Variants in ADGRL3 observed in about 807,000 individuals in gnomAD.
ADGRL3 encodes the protein calcium-independent alpha-latrotoxin receptor 3.
A neutral mutation model predicts 153.5 loss-of-function variants in ADGRL3; 62 were observed. The observed-to-expected ratio is 0.40, with a 90% CI of 0.33 to 0.50. The LOEUF (loss-of-function observed/expected upper bound fraction) is 0.50. Ranked by LOEUF, ADGRL3 falls within the 20% of genes least tolerant of loss-of-function variation. The pLI, the probability that ADGRL3 is intolerant of heterozygous loss-of-function variation, is 0.47. For synonymous variants in ADGRL3, 710 were observed against 672.5 expected (o/e 1.06, Z -0.86); for missense variants, 1,641 against 1,859.4 (o/e 0.88, Z 2.16).
chr4:61,970,717 G>A (rs2099023921), intron 17 of ADGRL3, among the ~76,000 whole-genome samples: 1 of 152,098 alleles, frequency 6.6e-6, no homozygotes, highest in African/African-American at 2.4e-5. Flanking sequence ...GTTGTTGGTA[G>A]GTTGCTTCAG....
intron 8 of ADGRL3, among the ~76,000 whole-genome samples, chr4:61,790,352 G>T (rs996168700): frequency 2.0e-5 from 3 of 152,074 alleles, no homozygotes; most frequent in African/African-American, 7.2e-5. Context: ...TGTATAGTAG[G>T]CCTGCCCTTA....
At chr4:61,433,273 T>A (rs1445587301) in intron 2 of ADGRL3, among the ~76,000 whole-genome samples, 1 of 152,174 alleles carries the variant, frequency 6.6e-6, no homozygotes, top group African/African-American at 2.4e-5. Context: ...GTAAGATGTT[T>A]TAATATTGTC....
chr4:61,602,158 C>G (rs2099014798), intron 5 of ADGRL3, among the ~76,000 whole-genome samples: 1 of 151,662 alleles, frequency 6.6e-6, no homozygotes, highest in Admixed American at 6.6e-5. Flanking sequence ...CTTTAGAATT[C>G]CAATGTGTAA....
chr4:61,964,212 C>G (rs1436075204), intron 17 of ADGRL3, among the ~76,000 whole-genome samples: 1 of 152,102 alleles, frequency 6.6e-6, no homozygotes, highest in African/African-American at 2.4e-5. Flanking sequence ...TCAAATATGA[C>G]TAACACAATT....
chr4:62,075,814 A>G lies in ADGRL3; in HGVS notation c.*4906A>G, dbSNP rs1023927674. 8 of 152,208 alleles carry G rather than the reference A, an allele frequency of 5.3e-5. No homozygotes were observed. The highest frequency in any genetic ancestry group is 8.8e-5 in the Non-Finnish European group (6 of 68,038). The allele number at this position is 152,208 out of a possible 1,614,324, so 9.4% of individuals were successfully genotyped here. ...TATATTCAATGGATCCCAACATTAA[A>G]TTTAACTTTGCAATCAGCAAATATG... On this transcript the variant is annotated 3_prime_UTR_variant, in exon 27 of 27. Coordinates refer to ENST00000683033, the MANE Select transcript of ADGRL3 (RefSeq NM_001387552.1).
At chr4:61,512,696 T>C (rs866076804) in intron 3 of ADGRL3, among the ~76,000 whole-genome samples, 9 of 152,100 alleles carry the variant, frequency 5.9e-5, no homozygotes, top group Non-Finnish European at 7.4e-5. Context: ...TCATTTTATA[T>C]AGAGATAGAG....
intron 9 of ADGRL3, among the ~76,000 whole-genome samples, chr4:61,856,596 C>G (rs1284538175): frequency 1.8e-5 from 1 of 57,040 alleles, no homozygotes; most frequent in Non-Finnish European, 4.5e-5. Flanking sequence ...TTCTCTCTCT[C>G]TCTCTCTCTT....
chr4:61,229,359 A>T (rs1248032941), intron 1 of ADGRL3, among the ~76,000 whole-genome samples: 1 of 152,222 alleles, frequency 6.6e-6, no homozygotes, highest in Non-Finnish European at 1.5e-5. Context: ...GTAAATAATT[A>T]TTAATAAGTC....
chr4:61,492,092 G>GC (rs1347094033), intron 2 of ADGRL3, among the ~76,000 whole-genome samples: 1 of 152,060 alleles, frequency 6.6e-6, no homozygotes, highest in Admixed American at 6.6e-5. Context: ...TAGCAATTAG[G>GC]CTATAGGTCT....
chr4:61,774,952 C>T (rs1275548652), intron 8 of ADGRL3, among the ~76,000 whole-genome samples: 2 of 152,110 alleles, frequency 1.3e-5, no homozygotes, highest in Non-Finnish European at 2.9e-5. Context: ...CTTCTGGTGC[C>T]GTCTCCAGGC....
intron 8 of ADGRL3, among the ~76,000 whole-genome samples, chr4:61,805,544 A>G (rs1170315086): frequency 6.6e-6 from 1 of 152,098 alleles, no homozygotes; most frequent in Non-Finnish European, 1.5e-5. Context: ...AAATAATTCT[A>G]ATATTATTTT....
At chr4:61,894,766 G>T (rs2098616115) in intron 10 of ADGRL3, among the ~76,000 whole-genome samples, 1 of 152,042 alleles carries the variant, frequency 6.6e-6, no homozygotes, top group Non-Finnish European at 1.5e-5. Flanking sequence ...TTGAATTATT[G>T]CAATAGCTTC....
intron 1 of ADGRL3, among the ~76,000 whole-genome samples, chr4:61,230,099 G>C (rs1166530131): frequency 1.3e-5 from 2 of 152,036 alleles, no homozygotes; most frequent in African/African-American, 2.4e-5. Flanking sequence ...CTAGCTACAA[G>C]GGTGTCTGGA....
intron 1 of ADGRL3, among the ~76,000 whole-genome samples, chr4:61,277,020 T>A (rs1229167144): frequency 6.6e-6 from 1 of 152,072 alleles, no homozygotes; most frequent in Non-Finnish European, 1.5e-5. Context: ...AACTACCCCC[T>A]ATTTCATTTG....
chr4:61,908,971 CA>C (rs1255026142), intron 11 of ADGRL3, among the ~76,000 whole-genome samples: 19 of 152,114 alleles, frequency 1.2e-4, no homozygotes, highest in African/African-American at 4.6e-4. Context: ...TTGAAAAAAT[CA>C]GCATGTAGTT....
At chr4:61,631,097 TTTTGTA>T (rs1211006879) in intron 5 of ADGRL3, among the ~76,000 whole-genome samples, 12 of 152,160 alleles carry the variant, frequency 7.9e-5, no homozygotes, top group African/African-American at 2.7e-4. Flanking sequence ...GTTCCTTCTC[TTTTGTA>T]CTCTTTTACA....
At chr4:62,060,187 T>C (rs1739298556) in intron 25 of ADGRL3, among the ~76,000 whole-genome samples, 1 of 151,968 alleles carries the variant, frequency 6.6e-6, no homozygotes, top group Non-Finnish European at 1.5e-5. Flanking sequence ...GCATTTTTCT[T>C]TTTTCAAATT....
At chr4:62,060,626 A>C (rs1739565775) in intron 25 of ADGRL3, among the ~76,000 whole-genome samples, 1 of 151,906 alleles carries the variant, frequency 6.6e-6, no homozygotes, top group Non-Finnish European at 1.5e-5. Context: ...ATTTACAGAT[A>C]ATTTGGTTTT....
chr4:61,795,661 A>T (rs1387323471), intron 8 of ADGRL3, among the ~76,000 whole-genome samples: 1 of 152,150 alleles, frequency 6.6e-6, no homozygotes, highest in Non-Finnish European at 1.5e-5. Context: ...TCAGCTGTTC[A>T]TGGGGGCTTT....
Sources: gnomAD v4.1 joint callset for allele counts (sites outside exome capture counted in the v4.1 genomes callset) on GRCh38, gnomAD v4.1.1 for gene constraint, MANE v1.5 for transcripts, NCBI Gene and HGNC (gene_info 2026-07-23, HGNC 2026-07-21) for gene names.